The following ANXA7 variants were observed in gnomAD, a reference collection of about 807,000 sequenced individuals.
ANXA7 encodes annexin VII.
ANXA7 carries 55 observed loss-of-function variants against 64.9 expected under a neutral mutation model. That is an observed-to-expected ratio of 0.85 (90% confidence interval 0.68 to 1.06). The LOEUF is 1.06. Among genes scored for constraint, ANXA7 ranks in the 50% least tolerant of loss-of-function variants. ANXA7 has a pLI of 0.00. For missense variants in ANXA7, 548 were observed against 582.1 expected, an observed-to-expected ratio of 0.94 and a Z score of 0.60; for synonymous variants, 200 against 192.4, an observed-to-expected ratio of 1.04 and a Z score of -0.33.
At chr10:73,396,706 G>T in intron 4 of ANXA7, 123 bp from the exon 5 acceptor site, 1 of 575,774 alleles carries the variant, frequency 1.7e-6, no homozygotes, top group Non-Finnish European at 2.9e-6. Context: ...TGATACTTAT[G>T]AGGATAGTTT....
chr10:73,412,581 C>T (rs1039703929), intron 1 of ANXA7, among the ~76,000 whole-genome samples: 1 of 150,758 alleles, frequency 6.6e-6, no homozygotes, highest in African/African-American at 2.4e-5. Flanking sequence ...GCAACCTCTG[C>T]CTCCCGGGTT....
At chr10:73,377,595 A>C (rs1195781367) in intron 12 of ANXA7, 3 of 150,970 alleles carry the variant, frequency 2.0e-5, no homozygotes, top group Non-Finnish European at 2.9e-5. Context: ...AAAAAAAAAA[A>C]AAACACGCAA....
intron 8 of ANXA7, 59 bp downstream of exon 8, chr10:73,383,518 G>A: frequency 1.4e-6 from 2 of 1,396,962 alleles, no homozygotes; most frequent in South Asian, 1.2e-5. Flanking sequence ...GTCATAATTT[G>A]TACGGTTTTA....
intron 12 of ANXA7, among the ~76,000 whole-genome samples, chr10:73,376,419 G>A (rs1255609365): frequency 6.6e-6 from 1 of 152,116 alleles, no homozygotes; most frequent in Non-Finnish European, 1.5e-5. Flanking sequence ...AAAATACTTG[G>A]TCAGGGTAGT....
chr10:73,398,393 A>C lies in ANXA7; in HGVS notation c.55-8T>G. ...TGACTCCTGACCTGCAGGCTGAAAA[A>C]TCAGAATAATTTTTAAACAAATACG... On this transcript the variant is annotated splice_region_variant and splice_polypyrimidine_tract_variant and intron_variant, in intron 2 of 12. Transcript: ENST00000372921. The C allele has an allele frequency of 6.2e-7, 1 of 1,605,628 alleles. No homozygotes were observed. The highest frequency in any genetic ancestry group is 1.1e-5 in the South Asian group (1 of 90,742).
chr10:73,379,541 G>A (rs1166986243), intron 11 of ANXA7, among the ~76,000 whole-genome samples: 1 of 152,138 alleles, frequency 6.6e-6, no homozygotes, highest in African/African-American at 2.4e-5. Context: ...AGTTCCTCAG[G>A]ACTTTCCCTT....
chr10:73,403,352 G>A (rs1397250227), intron 1 of ANXA7, among the ~76,000 whole-genome samples: 1 of 152,144 alleles, frequency 6.6e-6, no homozygotes, highest in Non-Finnish European at 1.5e-5. Flanking sequence ...AGCCAGGCAT[G>A]GTGGTGTGCA....
intron 2 of ANXA7, among the ~76,000 whole-genome samples, chr10:73,399,124 G>C (rs987197080): frequency 1.3e-5 from 2 of 152,172 alleles, no homozygotes; most frequent in African/African-American, 4.8e-5. Context: ...AGAGGATCCA[G>C]TGGAGGACTC....
chr10:73,401,795 C>T (rs1564532191), intron 1 of ANXA7, among the ~76,000 whole-genome samples: 1 of 143,976 alleles, frequency 6.9e-6, no homozygotes, highest in Non-Finnish European at 1.5e-5. Context: ...AGCCACCTCA[C>T]CCGGCCAAGG....
At chr10:73,382,310 A>T (rs2055288823) in intron 9 of ANXA7, among the ~76,000 whole-genome samples, 2 of 146,238 alleles carry the variant, frequency 1.4e-5, no homozygotes, top group South Asian at 2.2e-4. Context: ...TTTCAAATAC[A>T]CCTTCATCAT....
chr10:73,391,003 C>T (rs956871283), intron 5 of ANXA7, among the ~76,000 whole-genome samples: 2 of 149,388 alleles, frequency 1.3e-5, no homozygotes, highest in African/African-American at 5.0e-5. Flanking sequence ...AACCCTGTCT[C>T]TACTACAAAT....
intron 4 of ANXA7, among the ~76,000 whole-genome samples, chr10:73,396,802 A>C (rs2055583295): frequency 6.6e-6 from 1 of 152,170 alleles, no homozygotes; most frequent in Non-Finnish European, 1.5e-5. Flanking sequence ...GATCCTCATA[A>C]ATAATACTTT....
chr10:73,386,609 G>C (rs954344004), intron 7 of ANXA7, among the ~76,000 whole-genome samples: 4 of 152,160 alleles, frequency 2.6e-5, no homozygotes, highest in Non-Finnish European at 5.9e-5. Context: ...CAGGAGAATG[G>C]CATGTACACA....
At chr10:73,381,062 C>G (rs910977886) in intron 9 of ANXA7, among the ~76,000 whole-genome samples, 1 of 151,644 alleles carries the variant, frequency 6.6e-6, no homozygotes, top group Non-Finnish European at 1.5e-5. Flanking sequence ...TTAAGAGACA[C>G]GATTTCACTA....
In ANXA7 at chr10:73,397,255, A is replaced by C; in HGVS notation, c.279T>G (p.Phe93Leu). Reference sequence around the variant, plus strand: ...AGCCTGCTCCACCTGGTGGGACTCCAAATCCTTGGCCTGGAGGAACTAGAG... The same window carrying C: ...AGCCTGCTCCACCTGGTGGGACTCCCAATCCTTGGCCTGGAGGAACTAGAG... ...SYPGVPPGQGFGVPPGGAGFS... is the reference protein window; with the variant it reads ...SYPGVPPGQGLGVPPGGAGFS... Residue 93 changes from phenylalanine (F) to leucine (L), a missense_variant, in exon 4 of 13, where the codon TTT (phenylalanine) becomes TTG (leucine). Phe to Leu is a conservative substitution (Grantham distance 22). Coordinates refer to ENST00000372921, the MANE Select transcript of ANXA7 (RefSeq NM_001156.5). 1 of 1,612,362 alleles carries C rather than the reference A, an allele frequency of 6.2e-7. No individual in the cohort carries two copies.
At chr10:73,404,666 A>G (rs1485462636) in intron 1 of ANXA7, among the ~76,000 whole-genome samples, 3 of 152,032 alleles carry the variant, frequency 2.0e-5, no homozygotes, top group African/African-American at 7.2e-5. Flanking sequence ...AAGATGGCTC[A>G]TGTAAAATAA....
In ANXA7 at chr10:73,398,333, C is replaced by T; in HGVS notation, c.107G>A (p.Ser36Asn). 1.2e-6 allele frequency: 2 copies of T among 1,614,068 alleles called. No homozygotes were observed. Among genetic ancestry groups the T allele is most frequent in the Non-Finnish European group, 1.7e-6 (2 of 1,180,022 alleles). Residue 36 changes from serine to asparagine, a missense_variant, in exon 3 of 13, where the codon AGT becomes AAT. Coordinates refer to ENST00000372921, the MANE Select transcript of ANXA7 (RefSeq NM_001156.5). ...ACCTCCTCCCATTGGAGGAAAGCCA[C>T]TAGGATAAGGATACTGACCAGAAGG... ...FPPSGQYPYP[S>N]GFPPMGGGAY...
intron 5 of ANXA7, among the ~76,000 whole-genome samples, chr10:73,393,432 G>T (rs1198880508): frequency 6.6e-6 from 1 of 152,148 alleles, no homozygotes; most frequent in Non-Finnish European, 1.5e-5. Flanking sequence ...CAAAGCTGGA[G>T]GCATCACGCT....
intron 2 of ANXA7, among the ~76,000 whole-genome samples, chr10:73,399,976 T>C (rs1398514507): frequency 1.3e-5 from 2 of 151,758 alleles, no homozygotes; most frequent in East Asian, 3.9e-4. Flanking sequence ...ATTCCGTCTC[T>C]ACTAAAAATA....
Sources: allele counts gnomAD v4.1 joint callset (sites outside exome capture counted in the v4.1 genomes callset), GRCh38; gene constraint gnomAD v4.1.1; transcripts MANE v1.5; gene names NCBI Gene and HGNC (gene_info 2026-07-23, HGNC 2026-07-21).